Variants in HPCAL1 observed in about 807,000 individuals in gnomAD.
HPCAL1 encodes the protein hippocalcin like 1, also known as hippocalcin-like protein 1.
In HPCAL1, 8 loss-of-function variants were observed where a neutral mutation model predicts 17.1. The ratio of observed to expected loss-of-function variants is 0.47; its 90% CI spans 0.27 to 0.84. The LOEUF is 0.84. HPCAL1 is among the 40% of genes least tolerant of loss of function. The pLI, the probability that HPCAL1 is intolerant of heterozygous loss-of-function variation, is 0.13. For missense variants in HPCAL1, 165 were observed against 271.1 expected (o/e 0.61, Z 2.75); for synonymous variants, 112 against 111.4 (o/e 1.01, Z -0.03).
chr2:10,386,100 TTC>T (rs1315717083), intron 1 of HPCAL1, among the ~76,000 whole-genome samples: 3 of 152,186 alleles, frequency 2.0e-5, no homozygotes, highest in Non-Finnish European at 2.9e-5. Context: ...ATCTCGGACT[TTC>T]ACATGGGCCA....
rs532435148 is a variant in HPCAL1, at chr2:10,419,784, G to A, written c.27G>A (p.Arg9=). 1 of 1,612,802 alleles carries A rather than the reference G, an allele frequency of 6.2e-7. No individual in the cohort carries two copies. The highest frequency in any genetic ancestry group is 1.7e-5 in the Admixed American group (1 of 60,002). Residue 9 remains arginine, a synonymous_variant, in exon 3 of 5, where the codon CGG becomes CGA. Transcript: ENST00000307845. This position sits in a 1 kb window ranked among gnomAD's most constrained non-coding sequence, Gnocchi z 5.0. The part of the protein sequence containing the change: MGKQNSKL[R]PEVLQDLREN... ...TGGGCAAACAGAACAGCAAGCTGCG[G>A]CCCGAGGTGCTGCAGGACCTGCGGG...
At chr2:10,328,170 A>C (rs1003652) in intron 1 of HPCAL1, among the ~76,000 whole-genome samples, 31,409 of 152,076 alleles carry the variant, frequency 0.21, 4,716 homozygotes, top group African/African-American at 0.43. Flanking sequence ...CTGCAATAGG[A>C]AGGTGATGGC....
At chr2:10,320,034 G>GC (rs1156738675) in intron 1 of HPCAL1, among the ~76,000 whole-genome samples, 2 of 151,980 alleles carry the variant, frequency 1.3e-5, no homozygotes, top group Admixed American at 1.3e-4. Flanking sequence ...TGCTCCTGCA[G>GC]CCCCCCGAGT....
chr2:10,359,841 C>T lies in HPCAL1; in HGVS notation c.-110-36994C>T, dbSNP rs1001993894. ...CAGGGAGGGCCCTTTCCAGAGCAGGCTGCATCTCCCCTCAGCTTCCACACT... is the reference window on the plus strand; with the variant it reads ...CAGGGAGGGCCCTTTCCAGAGCAGGTTGCATCTCCCCTCAGCTTCCACACT... On this transcript the variant is annotated intron_variant, in intron 1 of 4. Coordinates refer to ENST00000307845, the MANE Select transcript of HPCAL1 (RefSeq NM_002149.4). This position sits in a 1 kb window ranked among gnomAD's most constrained non-coding sequence, Gnocchi z 4.1. 6.6e-6 allele frequency among the ~76,000 whole-genome samples: 1 copy of T among 152,054 alleles called. No homozygotes were observed. The highest frequency in any genetic ancestry group is 1.5e-5 in the Non-Finnish European group (1 of 68,034).
intron 1 of HPCAL1, among the ~76,000 whole-genome samples, chr2:10,335,016 C>G (rs1162224377): frequency 6.6e-6 from 1 of 152,212 alleles, no homozygotes; most frequent in African/African-American, 2.4e-5. Context: ...TAGTCATATA[C>G]AGTTAGGTCA....
intron 1 of HPCAL1, among the ~76,000 whole-genome samples, chr2:10,341,285 C>A (rs941560268): frequency 2.0e-5 from 3 of 151,868 alleles, no homozygotes; most frequent in African/African-American, 7.3e-5. Context: ...CACGGTGAAA[C>A]CCCATCTCTA....
At position 10,419,415 on chromosome 2, in the gene HPCAL1, C is replaced by T. The variant is rs920810797; in HGVS notation, c.-24-319C>T. Among the ~76,000 whole-genome samples the T allele has an allele frequency of 6.6e-6, 1 of 152,168 alleles. No homozygotes were observed. The highest frequency in any genetic ancestry group is 2.4e-5 in the African/African-American group (1 of 41,436). On this transcript the variant is annotated intron_variant, in intron 2 of 4. Coordinates refer to ENST00000307845, the MANE Select transcript of HPCAL1 (RefSeq NM_002149.4). This position sits in a 1 kb window ranked among gnomAD's most constrained non-coding sequence, Gnocchi z 5.0. ...GAAAGTAAGAACTGATTTTAATCTT[C>T]GCCTCTCGTACAACCCCTGGTGGGC...
intron 2 of HPCAL1, among the ~76,000 whole-genome samples, chr2:10,408,978 T>C (rs1670154017): frequency 6.6e-6 from 1 of 152,224 alleles, no homozygotes; most frequent in South Asian, 2.1e-4. Flanking sequence ...GTAAAAAAGA[T>C]GAAATTTAAA....
In HPCAL1 at chr2:10,390,954, G is replaced by T. The variant is rs540860462; in HGVS notation, c.-110-5881G>T. Among the ~76,000 whole-genome samples the T allele has an allele frequency of 4.6e-5, 7 of 152,344 alleles. No individual in the cohort carries two copies. In the South Asian group the frequency reaches 1.4e-3, roughly 32 times the overall value. Reference sequence around the variant, plus strand: ...ACATGAATATTCCTGAGGGCCTGGGGTCCGGCACCACCTTCAGTGGACTGG... The same window carrying T: ...ACATGAATATTCCTGAGGGCCTGGGTTCCGGCACCACCTTCAGTGGACTGG... On this transcript the variant is annotated intron_variant, in intron 1 of 4. Coordinates refer to ENST00000307845, the MANE Select transcript of HPCAL1 (RefSeq NM_002149.4).
chr2:10,316,933 A>G (rs1663352631), intron 1 of HPCAL1, among the ~76,000 whole-genome samples: 1 of 152,212 alleles, frequency 6.6e-6, no homozygotes, highest in South Asian at 2.1e-4. Context: ...ATGATACCAC[A>G]TTAAAAAAAA....
chr2:10,304,459 G>A lies in HPCAL1; in HGVS notation c.-111+1282G>A, dbSNP rs985719877. 6.6e-6 allele frequency among the ~76,000 whole-genome samples: 1 copy of A among 151,708 alleles called. No homozygotes were observed. Among genetic ancestry groups the A allele is most frequent in the Non-Finnish European group, 1.5e-5 (1 of 67,922 alleles). Reference sequence around the variant, plus strand: ...ATGTTTGCCAGGGACGCCGAGTCCAGCTGCTGGCCTCGGCATTAGACAACC... The same window carrying A: ...ATGTTTGCCAGGGACGCCGAGTCCAACTGCTGGCCTCGGCATTAGACAACC... On this transcript the variant is annotated intron_variant, in intron 1 of 4. Coordinates refer to ENST00000307845, the MANE Select transcript of HPCAL1 (RefSeq NM_002149.4). This position sits in a 1 kb window ranked among gnomAD's most constrained non-coding sequence, Gnocchi z 4.1.
At chr2:10,317,969 A>G (rs1365826688) in intron 1 of HPCAL1, among the ~76,000 whole-genome samples, 1 of 152,200 alleles carries the variant, frequency 6.6e-6, no homozygotes, top group Non-Finnish European at 1.5e-5. Context: ...GCCTTGTTGG[A>G]TGGACAATAA....
rs1423413627 is a variant in HPCAL1 at position 10,365,194 on chromosome 2, G to A, written c.-110-31641G>A. The stretch of plus-strand genomic sequence containing the variant: ...ATGTACGGAAGGAGAAATGGAGGCC[G>A]CCAGAGAGGTCTAGGCCTCCGACCC... On this transcript the variant is annotated intron_variant, in intron 1 of 4. Transcript: ENST00000307845. The surrounding 1 kb of genome is among the most constrained non-coding windows in gnomAD (Gnocchi z 4.8). 6.6e-6 allele frequency among the ~76,000 whole-genome samples: 1 copy of A among 152,156 alleles called. No homozygotes were observed. Among genetic ancestry groups the A allele is most frequent in the Non-Finnish European group, 1.5e-5 (1 of 68,028 alleles).
chr2:10,376,280 T>C (rs1476699814), intron 1 of HPCAL1, among the ~76,000 whole-genome samples: 3 of 152,236 alleles, frequency 2.0e-5, no homozygotes, highest in African/African-American at 7.2e-5. Context: ...ACATTAGCCA[T>C]AGCCATTTAT....
chr2:10,420,103 A>C lies in HPCAL1; in HGVS notation c.346A>C (p.Ile116Leu). The change falls in exon 3 of 5, where the codon ATC becomes CTC. Residue 116 changes from isoleucine (I) to leucine (L), a missense_variant. Transcript: ENST00000307845. ...SMYDLDGNGY[I>L]SRSEMLEIVQ... Reference sequence around the variant, plus strand: ...GTACGACCTGGACGGCAACGGCTACATCAGCCGCAGCGAGATGCTGGAGAT... The same window carrying C: ...GTACGACCTGGACGGCAACGGCTACCTCAGCCGCAGCGAGATGCTGGAGAT... 1 of 1,612,794 alleles carries C rather than the reference A, an allele frequency of 6.2e-7. No individual in the cohort carries two copies. The highest frequency in any genetic ancestry group is 8.5e-7 in the Non-Finnish European group (1 of 1,179,634).
chr2:10,409,835 G>A (rs1173322417), intron 2 of HPCAL1, among the ~76,000 whole-genome samples: 2 of 132,244 alleles, frequency 1.5e-5, no homozygotes, highest in African/African-American at 2.9e-5. Flanking sequence ...TGTTGCCCAG[G>A]CTGGAGTGCA....
At chr2:10,424,602 G>A in intron 4 of HPCAL1, 1 of 471,038 alleles carries the variant, frequency 2.1e-6, no homozygotes, top group Non-Finnish European at 4.4e-6. Flanking sequence ...CTCTTCAGAG[G>A]GCATCTTCTA....
At chr2:10,403,452 TTTTGTGTGTGTGTGTGTGTGTGTGTGTG>T (rs752191372) in intron 2 of HPCAL1, among the ~76,000 whole-genome samples, 6 of 144,274 alleles carry the variant, frequency 4.2e-5, no homozygotes, top group African/African-American at 1.0e-4. Context: ...CAAAGAGTTC[TTTTGTGTGTGTGTGTGTGTGTGTGTGTG>T]TGTGTGTGTG....
At chr2:10,325,170 G>A (rs1186654518) in intron 1 of HPCAL1, among the ~76,000 whole-genome samples, 6 of 152,004 alleles carry the variant, frequency 3.9e-5, no homozygotes, top group Non-Finnish European at 7.4e-5. Flanking sequence ...TTTAGAGAGA[G>A]GGTCTCGCTC....
Sources: allele counts gnomAD v4.1 joint callset (sites outside exome capture counted in the v4.1 genomes callset), GRCh38; gene constraint gnomAD v4.1.1; non-coding constraint Gnocchi (gnomAD v3.1); transcripts MANE v1.5; gene names NCBI Gene and HGNC (gene_info 2026-07-23, HGNC 2026-07-21).